Variants in JAK2 observed in about 807,000 individuals in gnomAD.
The protein encoded by JAK2 is Janus kinase 2, also known as tyrosine-protein kinase JAK2.
In JAK2, 86 loss-of-function variants were observed where a neutral mutation model predicts 139.3. That is an observed-to-expected ratio of 0.62 (90% CI 0.52 to 0.74). The LOEUF is 0.74. JAK2 is among the 30% of genes least tolerant of loss of function. JAK2 has a pLI of 0.00. For missense variants in JAK2, 1,421 were observed against 1,360.3 expected (o/e 1.04, Z -0.70); for synonymous variants, 490 against 437.7 (o/e 1.12, Z -1.49).
chr9:5,004,555 G>A (rs1281423271), intron 2 of JAK2, among the ~76,000 whole-genome samples: 1 of 152,102 alleles, frequency 6.6e-6, no homozygotes, highest in Non-Finnish European at 1.5e-5. Context: ...CACTTAGGTT[G>A]ATTCTTTATC....
intron 13 of JAK2, among the ~76,000 whole-genome samples, chr9:5,073,279 C>G (rs1485238125): frequency 6.6e-6 from 1 of 152,218 alleles, no homozygotes; most frequent in Non-Finnish European, 1.5e-5. Context: ...AGTATCCTGA[C>G]ACAGATGTCG....
Position 5,058,013 on chromosome 9 carries a change from T to C in JAK2, c.1056+2225T>C, listed in dbSNP as rs140508079. The stretch of plus-strand genomic sequence containing the variant: ...CTCAAGGTTCATTTGTATTACAGCA[T>C]GTATCAATTTCCTTCATTTTTAATA... On this transcript the variant is annotated intron_variant, in intron 8 of 24. Coordinates refer to ENST00000381652, the MANE Select transcript of JAK2 (RefSeq NM_004972.4). Among the ~76,000 whole-genome samples the C allele has an allele frequency of 6.5e-3, 994 of 152,340 alleles. 11 individuals are homozygous for C. The highest frequency in any genetic ancestry group is 0.023 in the African/African-American group (949 of 41,574).
intron 3 of JAK2, among the ~76,000 whole-genome samples, chr9:5,027,823 A>G (rs1443308033): frequency 6.6e-6 from 1 of 152,172 alleles, no homozygotes; most frequent in Non-Finnish European, 1.5e-5. Flanking sequence ...TATATGTCCA[A>G]GTTTTATCGT....
chr9:5,020,094 G>A (rs1587834351), intron 2 of JAK2, among the ~76,000 whole-genome samples: 1 of 152,194 alleles, frequency 6.6e-6, no homozygotes, highest in East Asian at 1.9e-4. Context: ...CCTGGGCAGT[G>A]AGCATGGCAT....
Position 5,112,324 on chromosome 9 carries a change from C to G in JAK2, c.3060-10680C>G, listed in dbSNP as rs535650285. 5.1e-4 allele frequency: 150 copies of G among 293,694 alleles called. 2 individuals carry two copies. In the South Asian group the frequency reaches 5.8e-3, roughly 11 times the overall value. 18.2% of individuals were successfully genotyped at this position (293,694 alleles called of 1,614,324 possible). ...CCCTCTCCAGCTAGCCAGGCGCCCT[C>G]CCCGACCTCTCTTGGCCTTCCGACT... On this transcript the variant is annotated intron_variant, in intron 22 of 24. Transcript: ENST00000381652.
At chr9:5,112,890 C>G in intron 22 of JAK2, 1 of 368,902 alleles carries the variant, frequency 2.7e-6, no homozygotes, top group Non-Finnish European at 4.6e-6. Context: ...CCCTCAGCCC[C>G]GTGGGCTGGG....
At chr9:5,024,852 T>C (rs1822677527) in intron 3 of JAK2, among the ~76,000 whole-genome samples, 1 of 152,126 alleles carries the variant, frequency 6.6e-6, no homozygotes, top group African/African-American at 2.4e-5. Context: ...GAAAAACAGT[T>C]TTTTGAGATT....
chr9:5,029,970 A>T, intron 4 of JAK2, 64 bp downstream of exon 4: 1 of 1,433,944 alleles, frequency 7.0e-7, no homozygotes, highest in Non-Finnish European at 9.5e-7. Context: ...ATTATCAAAT[A>T]TTTTTTAATT....
chr9:5,098,884 CG>C (rs1386352410), intron 22 of JAK2: 2 of 152,038 alleles, frequency 1.3e-5, no homozygotes, highest in East Asian at 3.9e-4. Flanking sequence ...TTAGTAGAGA[CG>C]GGGTTTCACC....
At chr9:5,113,733 C>A in intron 22 of JAK2, 1 of 167,654 alleles carries the variant, frequency 6.0e-6, no homozygotes. Context: ...ACCCTCACGC[C>A]CTCTGGCCAT....
chr9:5,041,068 AG>A, intron 4 of JAK2: 2 of 691,812 alleles, frequency 2.9e-6, no homozygotes, highest in Non-Finnish European at 5.2e-6. Context: ...GGCGTCCCTC[AG>A]GTCTACTACC....
At chr9:5,120,463 T>C (rs1489469338) in intron 22 of JAK2, among the ~76,000 whole-genome samples, 1 of 152,246 alleles carries the variant, frequency 6.6e-6, no homozygotes, top group East Asian at 1.9e-4. Flanking sequence ...GAAACTTTGT[T>C]ATCTATATTG....
rs1451734295 is a variant in JAK2, at chr9:5,014,519, T to A, written c.-25-7444T>A. Among the ~76,000 whole-genome samples, 10 of 152,240 alleles carry A rather than the reference T, an allele frequency of 6.6e-5. No individual in the cohort carries two copies. The East Asian group carries it at 1.9e-3, about 29-fold the overall frequency. The stretch of plus-strand genomic sequence containing the variant: ...CAATGAGCAAAATCATAATCTAATC[T>A]ATGGTGGGAAAATATCAGAACAGCT... On this transcript the variant is annotated intron_variant, in intron 2 of 24. Coordinates refer to ENST00000381652, the MANE Select transcript of JAK2 (RefSeq NM_004972.4).
chr9:5,096,342 A>C (rs768175459), intron 22 of JAK2, among the ~76,000 whole-genome samples: 1 of 152,200 alleles, frequency 6.6e-6, no homozygotes, highest in Non-Finnish European at 1.5e-5. Flanking sequence ...AACAAACCCA[A>C]GGACTGCAAA....
At chr9:5,061,617 G>A (rs1378949492) in intron 8 of JAK2, among the ~76,000 whole-genome samples, 1 of 152,242 alleles carries the variant, frequency 6.6e-6, no homozygotes, top group African/African-American at 2.4e-5. Flanking sequence ...TGGCTTAAGG[G>A]AATGTTATGG....
intron 19 of JAK2, among the ~76,000 whole-genome samples, chr9:5,084,555 A>T (rs367867114): frequency 5.3e-5 from 8 of 152,144 alleles, no homozygotes; most frequent in Non-Finnish European, 7.4e-5. Flanking sequence ...TTTTTTAAAA[A>T]ATATTTTCAT....
chr9:5,050,287 C>T (rs1817321614), intron 5 of JAK2, among the ~76,000 whole-genome samples: 1 of 151,976 alleles, frequency 6.6e-6, no homozygotes, highest in African/African-American at 2.4e-5. Flanking sequence ...GGAATTTATG[C>T]CATTTATTTA....
intron 10 of JAK2, among the ~76,000 whole-genome samples, chr9:5,068,477 G>A (rs975046285): frequency 6.6e-6 from 1 of 152,212 alleles, no homozygotes; most frequent in Non-Finnish European, 1.5e-5. Flanking sequence ...TAGAAACAGT[G>A]GTACTTGAAC....
At chr9:5,007,615 A>G (rs1267360728) in intron 2 of JAK2, among the ~76,000 whole-genome samples, 1 of 151,210 alleles carries the variant, frequency 6.6e-6, no homozygotes, top group African/African-American at 2.5e-5. Context: ...ATATACTTTT[A>G]TTAGGTTGAC....
Sources: gnomAD v4.1 joint callset for allele counts (sites outside exome capture counted in the v4.1 genomes callset) on GRCh38, gnomAD v4.1.1 for gene constraint, MANE v1.5 for transcripts, NCBI Gene and HGNC (gene_info 2026-07-23, HGNC 2026-07-21) for gene names.